Variants in SLC44A5 observed in about 807,000 individuals in gnomAD.
SLC44A5 encodes the protein solute carrier family 44 member 5, also known as choline transporter-like protein 5.
In SLC44A5, 57 loss-of-function variants were observed where a neutral mutation model predicts 101.8. The ratio of observed to expected loss-of-function variants is 0.56; its 90% CI spans 0.45 to 0.70. The LOEUF (loss-of-function observed/expected upper bound fraction) is 0.70, where lower values mean the gene tolerates loss of function less well. SLC44A5 is among the 30% of genes least tolerant of loss of function. The pLI is 0.00. For synonymous variants in SLC44A5, 281 were observed against 290.9 expected, an observed-to-expected ratio of 0.97 and a Z score of 0.35; for missense variants, 737 against 853.1, an observed-to-expected ratio of 0.86 and a Z score of 1.70.
chr1:75,411,734 T>C (rs1313715458), intron 2 of SLC44A5, among the ~76,000 whole-genome samples: 1 of 152,090 alleles, frequency 6.6e-6, no homozygotes, highest in Non-Finnish European at 1.5e-5. Context: ...GGAAAATATA[T>C]ATAGGGACAG....
chr1:75,624,892 T>C, the SLC44A5 span, among the ~76,000 whole-genome samples: 1 of 152,108 alleles, frequency 6.6e-6, no homozygotes, highest in African/African-American at 2.4e-5. Flanking sequence ...TTACCCTTTA[T>C]ATCTCCTCAG....
rs755794953 is a variant in SLC44A5 at position 75,211,475 on chromosome 1, G to T, written c.2040C>A (p.Ile680=). Residue 680 remains isoleucine (I), a synonymous_variant, in exon 23 of 24, where the codon ATC becomes ATA. Coordinates refer to ENST00000370859, the MANE Select transcript of SLC44A5 (RefSeq NM_001130058.2). ...VYAMCVETIF[I]CFLEDLERND... is the part of the protein sequence containing the mutation. ...CACATACTGAATACTCACAGAAGCA[G>T]ATGAAAATTGTTTCAACACACATTG... is the stretch of plus-strand genomic sequence containing the variant. 6.2e-7 allele frequency: 1 copy of T among 1,611,482 alleles called. No homozygotes were observed. Among genetic ancestry groups the T allele is most frequent in the Admixed American group, 1.7e-5 (1 of 59,882 alleles).
At chr1:75,420,376 A>C (rs920239980) in intron 2 of SLC44A5, among the ~76,000 whole-genome samples, 2 of 152,186 alleles carry the variant, frequency 1.3e-5, no homozygotes, top group Non-Finnish European at 1.5e-5. Context: ...TCATTCAAAA[A>C]GAAGGAAAGA....
intron 2 of SLC44A5, among the ~76,000 whole-genome samples, chr1:75,477,407 A>G (rs933948393): frequency 6.6e-6 from 1 of 152,248 alleles, no homozygotes; most frequent in Non-Finnish European, 1.5e-5. Flanking sequence ...TGTACGGAGA[A>G]TGACTTTGAC....
At chr1:75,599,291 C>G (rs939063975) in intron 1 of SLC44A5, among the ~76,000 whole-genome samples, 13 of 152,110 alleles carry the variant, frequency 8.5e-5, no homozygotes, top group African/African-American at 2.9e-4. Context: ...AGACAACTAG[C>G]TTGGAAATAG....
At chr1:75,497,765 C>T (rs183051962) in intron 2 of SLC44A5, among the ~76,000 whole-genome samples, 1 of 151,978 alleles carries the variant, frequency 6.6e-6, no homozygotes, top group South Asian at 2.1e-4. Flanking sequence ...TAAATATATA[C>T]ATTTCAATTT....
At chr1:75,481,289 A>G (rs967636637) in intron 2 of SLC44A5, among the ~76,000 whole-genome samples, 2 of 152,248 alleles carry the variant, frequency 1.3e-5, no homozygotes, top group African/African-American at 4.8e-5. Context: ...TAGACCTAAA[A>G]CCATAAAACC....
At chr1:75,312,683 T>C (rs1655400775) in intron 4 of SLC44A5, among the ~76,000 whole-genome samples, 1 of 150,332 alleles carries the variant, frequency 6.7e-6, no homozygotes. Flanking sequence ...ATAATATGTA[T>C]AATCTATTCA....
chr1:75,391,910 T>C (rs1025773759), intron 3 of SLC44A5, among the ~76,000 whole-genome samples: 4 of 152,082 alleles, frequency 2.6e-5, no homozygotes, highest in African/African-American at 9.7e-5. Flanking sequence ...TCCCAGCACT[T>C]TGGGAGGCCA....
intron 3 of SLC44A5, among the ~76,000 whole-genome samples, chr1:75,390,052 A>C (rs567230762): frequency 6.6e-6 from 1 of 152,146 alleles, no homozygotes. Flanking sequence ...CTATCTAAAC[A>C]AACTAAAAAA....
intron 2 of SLC44A5, among the ~76,000 whole-genome samples, chr1:75,506,864 G>T (rs1669285575): frequency 7.1e-6 from 1 of 141,796 alleles, no homozygotes; most frequent in African/African-American, 2.6e-5. Flanking sequence ...TCTGTGCTAT[G>T]TTGAAGAGGA....
At chr1:75,634,423 C>T in the SLC44A5 span, among the ~76,000 whole-genome samples, 2 of 151,982 alleles carry the variant, frequency 1.3e-5, no homozygotes, top group Non-Finnish European at 2.9e-5. Context: ...TACTACAAGG[C>T]TACAGTAACC....
chr1:75,234,782 C>T (rs972177566), intron 11 of SLC44A5, among the ~76,000 whole-genome samples: 22 of 152,160 alleles, frequency 1.4e-4, no homozygotes, highest in African/African-American at 5.1e-4. Flanking sequence ...GCACGACTAT[C>T]TTCTGTCAGC....
chr1:75,531,022 C>T (rs1480023903), intron 2 of SLC44A5, among the ~76,000 whole-genome samples: 1 of 152,182 alleles, frequency 6.6e-6, no homozygotes, highest in Non-Finnish European at 1.5e-5. Flanking sequence ...AAGTCTAGAA[C>T]TCTAATAACC....
chr1:75,622,452 C>T, the SLC44A5 span, among the ~76,000 whole-genome samples: 1 of 152,018 alleles, frequency 6.6e-6, no homozygotes, highest in South Asian at 2.1e-4. Context: ...CTTCTTTGTA[C>T]TCACAGTGAA....
At chr1:75,638,923 C>G in the SLC44A5 span, among the ~76,000 whole-genome samples, 6 of 151,956 alleles carry the variant, frequency 3.9e-5, no homozygotes, top group African/African-American at 1.5e-4. Flanking sequence ...CTGGAGGACA[C>G]TGTGTTAAGT....
intron 2 of SLC44A5, among the ~76,000 whole-genome samples, chr1:75,412,057 TTTA>T (rs1353823119): frequency 1.3e-5 from 2 of 152,124 alleles, no homozygotes; most frequent in Non-Finnish European, 2.9e-5. Context: ...CCAAGCAGAT[TTTA>T]TTCAGTAGAA....
intron 3 of SLC44A5, among the ~76,000 whole-genome samples, chr1:75,349,343 A>G (rs904941547): frequency 6.6e-6 from 1 of 152,174 alleles, no homozygotes; most frequent in African/African-American, 2.4e-5. Context: ...CATCTCAAAA[A>G]CAAACAAAAA....
chr1:75,663,712 A>G, the SLC44A5 span, among the ~76,000 whole-genome samples: 1 of 152,326 alleles, frequency 6.6e-6, no homozygotes, highest in Non-Finnish European at 1.5e-5. Flanking sequence ...ACTACCACAC[A>G]TACAAAGAAG....
Sources: allele counts gnomAD v4.1 joint callset (sites outside exome capture counted in the v4.1 genomes callset), GRCh38; gene constraint gnomAD v4.1.1; transcripts MANE v1.5; gene names NCBI Gene and HGNC (gene_info 2026-07-23, HGNC 2026-07-21).